The following AHSA1 variants were observed in gnomAD, a reference collection of about 807,000 sequenced individuals.
AHSA1 encodes the protein activator of 90 kDa heat shock protein ATPase homolog 1.
In AHSA1, 14 loss-of-function variants were observed where a neutral mutation model predicts 46.1. The ratio of observed to expected loss-of-function variants is 0.30; its 90% CI spans 0.20 to 0.47. The LOEUF (loss-of-function observed/expected upper bound fraction) is 0.47. Ranked by LOEUF, AHSA1 falls within the 20% of genes least tolerant of loss-of-function variation. AHSA1 has a pLI of 0.99. For synonymous variants in AHSA1, 147 were observed against 145.8 expected, an observed-to-expected ratio of 1.01 and a Z score of -0.06; for missense variants, 333 against 415.9, an observed-to-expected ratio of 0.80 and a Z score of 1.73.
intron 7 of AHSA1, 68 bp from the exon 8 acceptor site, chr14:77,468,389 G>T: frequency 6.9e-7 from 1 of 1,456,220 alleles, no homozygotes; most frequent in South Asian, 1.2e-5. Context: ...AAGGGCAGAT[G>T]ACTGATCCTA....
rs1179794854 is a variant in AHSA1 at position 77,465,567 on chromosome 14, C to G, written c.590C>G (p.Ala197Gly). 2.5e-6 allele frequency: 4 copies of G among 1,614,016 alleles called. No individual in the cohort carries two copies. The highest frequency in any genetic ancestry group is 3.4e-6 in the Non-Finnish European group (4 of 1,179,868). ...KAKPAPSKTQ[A>G]RPVGVKIPTC... ...AAGCCTGCTCCTTCAAAAACCCAGGCCAGACCTGTTGGAGTCAAAATCCCC... is the reference window on the plus strand; with the variant it reads ...AAGCCTGCTCCTTCAAAAACCCAGGGCAGACCTGTTGGAGTCAAAATCCCC... Residue 197 changes from alanine (A) to glycine (G), a missense_variant, in exon 6 of 9, where the codon GCC becomes GGC. By Grantham distance (60) the Ala-to-Gly change is moderately conservative. Coordinates refer to ENST00000216479, the MANE Select transcript of AHSA1 (RefSeq NM_012111.3).
rs766778621 is a variant in AHSA1 at position 77,469,179 on chromosome 14, G to A, written c.947G>A (p.Arg316Gln). Reference protein sequence around the residue: ...GIPAPEEERTRQGWQRYYFEG... With the variant: ...GIPAPEEERTQQGWQRYYFEG... ...CCTGCTCCTGAGGAAGAGCGGACGCGACAGGGCTGGCAGCGGTACTACTTT... is the reference window on the plus strand; with the variant it reads ...CCTGCTCCTGAGGAAGAGCGGACGCAACAGGGCTGGCAGCGGTACTACTTT... The change falls in exon 9 of 9, where the codon CGA becomes CAA. Residue 316 changes from arginine to glutamine, a missense_variant. By Grantham distance (43) the Arg-to-Gln change is conservative. Transcript: ENST00000216479. 1.3e-5 allele frequency: 21 copies of A among 1,613,962 alleles called. No individual in the cohort carries two copies. Among genetic ancestry groups the A allele is most frequent in the Admixed American group, 3.3e-5 (2 of 59,998 alleles).
chr14:77,462,113 C>T (rs2079027952), intron 2 of AHSA1, 47 bp from the exon 3 acceptor site: 1 of 1,471,262 alleles, frequency 6.8e-7, no homozygotes, highest in South Asian at 1.1e-5. Context: ...GAGCAGAGAC[C>T]TTTCCTGCCA....
At chr14:77,468,548 T>G in intron 8 of AHSA1, 40 bp downstream of exon 8, 1 of 1,563,436 alleles carries the variant, frequency 6.4e-7, no homozygotes, top group Non-Finnish European at 8.7e-7. Context: ...CCAGAACTTT[T>G]TCTCTTTGCT....
rs1437375418 is a variant in AHSA1, at chr14:77,459,696, G to C, written c.161G>C (p.Gly54Ala). The change falls in exon 2 of 9, where the codon GGC becomes GCC. Residue 54 changes from glycine to alanine, a missense_variant. Physicochemically the swap from Gly to Ala is moderately conservative, Grantham distance 60. Transcript: ENST00000216479. Reference protein sequence around the residue: ...FLAVQVQNEEGKCEVTEVSKL... With the variant: ...FLAVQVQNEEAKCEVTEVSKL... ...GCAGTGCAGGTTCAAAATGAAGAAG[G>C]CAAGTGTGAGGTGACGGAAGTGAGT... The C allele has an allele frequency of 6.2e-7, 1 of 1,614,100 alleles. No individual in the cohort carries two copies. Among genetic ancestry groups the C allele is most frequent in the African/African-American group, 1.3e-5 (1 of 74,924 alleles).
intron 2 of AHSA1, 145 bp downstream of exon 2, chr14:77,459,951 G>A (rs750118086): frequency 2.3e-6 from 2 of 857,790 alleles, no homozygotes; most frequent in East Asian, 2.6e-5. Context: ...AAGCAGTATC[G>A]AGTCCTGGAA....
chr14:77,461,509 G>A (rs1426391357), intron 2 of AHSA1, among the ~76,000 whole-genome samples: 4 of 152,220 alleles, frequency 2.6e-5, no homozygotes, highest in East Asian at 1.9e-4. Flanking sequence ...CAGCCTGAGC[G>A]ACAGAGCAAG....
intron 8 of AHSA1, chr14:77,468,749 TTTTTAC>T: frequency 2.1e-6 from 1 of 470,166 alleles, no homozygotes; most frequent in Non-Finnish European, 3.7e-6. Context: ...TTTTTTTACT[TTTTTAC>T]TTTTTTTGTA....
In AHSA1 at chr14:77,465,004, T is replaced by C. The variant is rs2079041928; in HGVS notation, c.561+318T>C. 2.0e-5 allele frequency among the ~76,000 whole-genome samples: 3 copies of C among 152,344 alleles called. No homozygotes were observed. In the South Asian group the frequency reaches 6.2e-4, roughly 32 times the overall value. On this transcript the variant is annotated intron_variant, in intron 5 of 8. Coordinates refer to ENST00000216479, the MANE Select transcript of AHSA1 (RefSeq NM_012111.3). The stretch of plus-strand genomic sequence containing the variant: ...TCACCTATATAAGTCTTCAGTCTAA[T>C]TGGTGTGTTGATATTTCATACTTTG...
At chr14:77,461,534 GGGGAAAA>G (rs2079024854) in intron 2 of AHSA1, among the ~76,000 whole-genome samples, 1 of 152,140 alleles carries the variant, frequency 6.6e-6, no homozygotes, top group Non-Finnish European at 1.5e-5. Context: ...TGTCTTGCGG[GGGGAAAA>G]GGTGGGCATC....
At chr14:77,462,472 A>T (rs557955224) in intron 3 of AHSA1, among the ~76,000 whole-genome samples, 170 bp from the exon 4 acceptor site, 1 of 152,358 alleles carries the variant, frequency 6.6e-6, no homozygotes, top group South Asian at 2.1e-4. Context: ...AACATTAGCC[A>T]CTTGACAGAG....
Position 77,458,195 on chromosome 14 carries a change from C to T in AHSA1, c.6C>T (p.Ala2=), listed in dbSNP as rs2078995572. Reference sequence around the variant, plus strand: ...GCGCCGCGATAGGAGAGCCGATGGCCAAGTGGGGTGAGGGAGACCCACGCT... The same window carrying T: ...GCGCCGCGATAGGAGAGCCGATGGCTAAGTGGGGTGAGGGAGACCCACGCT... The part of the protein sequence containing the change: M[A]KWGEGDPRWI... The change falls in exon 1 of 9, where the codon GCC becomes GCT. Residue 2 remains alanine (A), a synonymous_variant. Transcript: ENST00000216479. 1 of 1,534,390 alleles carries T rather than the reference C, an allele frequency of 6.5e-7. No individual in the cohort carries two copies. The highest frequency in any genetic ancestry group is 1.2e-5 in the South Asian group (1 of 82,656).
intron 2 of AHSA1, among the ~76,000 whole-genome samples, chr14:77,461,181 A>C (rs1490012062): frequency 6.6e-6 from 1 of 151,966 alleles, no homozygotes. Context: ...AAATAGGTGA[A>C]TACTACAATA....
At position 77,464,674 on chromosome 14, in the gene AHSA1, T is replaced by A; in HGVS notation, c.549T>A (p.Thr183=). 1 of 1,613,688 alleles carries A rather than the reference T, an allele frequency of 6.2e-7. No individual in the cohort carries two copies. Among genetic ancestry groups the A allele is most frequent in the Non-Finnish European group, 8.5e-7 (1 of 1,179,976 alleles). The change falls in exon 5 of 9, where the codon ACT becomes ACA. Residue 183 remains threonine (T), a synonymous_variant. Coordinates refer to ENST00000216479, the MANE Select transcript of AHSA1 (RefSeq NM_012111.3). ...CAGTGGGGCAGCCAGCACTGAAAAC[T>A]GAGGAGCGCAAGGTAAATGGTTTTC... ...VDPVGQPALK[T]EERKAKPAPS...
rs757996071 is a variant in AHSA1, at chr14:77,465,602, A to G, written c.625A>G (p.Ile209Val). Residue 209 changes from isoleucine to valine, a missense_variant, in exon 6 of 9, where the codon ATC (isoleucine) becomes GTC (valine). Physicochemically the swap from Ile to Val is conservative, Grantham distance 29 (BLOSUM62 3). Coordinates refer to ENST00000216479, the MANE Select transcript of AHSA1 (RefSeq NM_012111.3). ...TGGAGTCAAAATCCCCACTTGTAAGATCACTCTTAAGGAAACCTTCCTGAC... is the reference window on the plus strand; with the variant it reads ...TGGAGTCAAAATCCCCACTTGTAAGGTCACTCTTAAGGAAACCTTCCTGAC... ...PVGVKIPTCK[I>V]TLKETFLTSP... 2.5e-6 allele frequency: 4 copies of G among 1,613,938 alleles called. No individual in the cohort carries two copies. In the African/African-American group the frequency reaches 5.3e-5, roughly 22 times the overall value.
intron 8 of AHSA1, 177 bp from the exon 9 acceptor site, chr14:77,468,900 G>C (rs1157212762): frequency 3.0e-6 from 2 of 676,236 alleles, no homozygotes; most frequent in Non-Finnish European, 5.1e-6. Flanking sequence ...TAGAGATGGA[G>C]TTTCACCATG....
At position 77,458,105 on chromosome 14, in the gene AHSA1, G is replaced by T; in HGVS notation, c.-85G>T. On this transcript the variant is annotated 5_prime_UTR_variant, in exon 1 of 9. Coordinates refer to ENST00000216479, the MANE Select transcript of AHSA1 (RefSeq NM_012111.3). ...TGCGGCCGCTTCTAGTAGTTTCCAG[G>T]CGCTGCCGGGCGGCTGGCACTAAGC... The T allele has an allele frequency of 7.9e-7, 1 of 1,263,186 alleles. No homozygotes were observed. The highest frequency in any genetic ancestry group is 1.6e-5 in the South Asian group (1 of 61,410). The allele number at this position is 1,263,186 out of a possible 1,614,324, so 78.2% of individuals were successfully genotyped here.
In AHSA1 at chr14:77,458,159, C is replaced by T. The variant is rs1337250387; in HGVS notation, c.-31C>T. The T allele has an allele frequency of 2.0e-6, 3 of 1,510,638 alleles. No homozygotes were observed. Among genetic ancestry groups the T allele is most frequent in the East Asian group, 5.3e-5 (2 of 37,416 alleles). 93.6% of individuals were successfully genotyped at this position (1,510,638 alleles called of 1,614,324 possible). A position where few individuals can be genotyped will look rare whatever the true frequency, so the allele number is the denominator to read the frequency against. On this transcript the variant is annotated 5_prime_UTR_variant, in exon 1 of 9. Coordinates refer to ENST00000216479, the MANE Select transcript of AHSA1 (RefSeq NM_012111.3). Reference sequence around the variant, plus strand: ...CCTGAGGCTGTGGCTACGGCTGCTCCGGAGCTGGTGGCGCCGCGATAGGAG... The same window carrying T: ...CCTGAGGCTGTGGCTACGGCTGCTCTGGAGCTGGTGGCGCCGCGATAGGAG...
chr14:77,465,604 C>G lies in AHSA1; in HGVS notation c.627C>G (p.Ile209Met), dbSNP rs377614306. Reference sequence around the variant, plus strand: ...GAGTCAAAATCCCCACTTGTAAGATCACTCTTAAGGAAACCTTCCTGACGT... The same window carrying G: ...GAGTCAAAATCCCCACTTGTAAGATGACTCTTAAGGAAACCTTCCTGACGT... ...PVGVKIPTCKITLKETFLTSP... is the reference protein window; with the variant it reads ...PVGVKIPTCKMTLKETFLTSP... Residue 209 changes from isoleucine (I) to methionine (M), a missense_variant, in exon 6 of 9, where the codon ATC becomes ATG. Coordinates refer to ENST00000216479, the MANE Select transcript of AHSA1 (RefSeq NM_012111.3). The G allele has an allele frequency of 2.5e-6, 4 of 1,613,924 alleles. No homozygotes were observed. The highest frequency in any genetic ancestry group is 1.6e-4 in the Middle Eastern group (1 of 6,082).
Sources: gnomAD v4.1 joint callset for allele counts (sites outside exome capture counted in the v4.1 genomes callset) on GRCh38, gnomAD v4.1.1 for gene constraint, MANE v1.5 for transcripts, NCBI Gene and HGNC (gene_info 2026-07-23, HGNC 2026-07-21) for gene names.